MUC5B: variants seen among roughly 807,000 people sequenced by gnomAD.
MUC5B encodes mucin-5B.
MUC5B carries 116 observed loss-of-function variants against 376.9 expected under a neutral mutation model. That is an observed-to-expected ratio of 0.31 (90% CI 0.26 to 0.36). MUC5B has a LOEUF of 0.36. MUC5B is among the 10% of genes least tolerant of loss of function. MUC5B has a pLI of 1.00. For missense variants in MUC5B, 7,165 were observed against 7,769.9 expected, an observed-to-expected ratio of 0.92 and a Z score of 2.93; for synonymous variants, 3,517 against 3,390.9, an observed-to-expected ratio of 1.04 and a Z score of -1.29.
At position 1,249,661 on chromosome 11, in the gene MUC5B, G is replaced by A; in HGVS notation, c.12781G>A (p.Ala4261Thr). Residue 4261 changes from alanine to threonine, a missense_variant, in exon 31 of 49, where the codon GCA becomes ACA. Ala to Thr is a moderately conservative substitution (Grantham distance 58). This residue lies in a region of MUC5B where 431 missense variants were observed against 390.4 expected (regional missense o/e 1.10). Transcript: ENST00000529681. ...TELTTTATTTASTGSTATPSS... is the reference protein window; with the variant it reads ...TELTTTATTTTSTGSTATPSS... ...GCTGACCACAACAGCCACTACGACT[G>A]CATCCACTGGATCCACGGCCACCCC... 1 of 1,610,424 alleles carries A rather than the reference G, an allele frequency of 6.2e-7. No individual in the cohort carries two copies.
intron 47 of MUC5B, 94 bp downstream of exon 47, chr11:1,260,487 G>A (rs2133856568): frequency 6.6e-7 from 1 of 1,511,980 alleles, no homozygotes. Context: ...GGCAGCAGTG[G>A]GATGCCCGCG....
At position 1,228,753 on chromosome 11, in the gene MUC5B, C is replaced by T. The variant is rs1861950556; in HGVS notation, c.964C>T (p.Pro322Ser). ...AGGQPRNWRC[P>S]ELCPRTCPLN... ...GGGCCAGCCGCGGAACTGGAGGTGC[C>T]CTGAGCTCTGCCGTGAGTGCTCCCA... Residue 322 changes from proline (P) to serine (S), a missense_variant, in exon 8 of 49, where the codon CCT becomes TCT. By Grantham distance (74) the Pro-to-Ser change is moderately conservative. Transcript: ENST00000529681. The T allele has an allele frequency of 5.3e-6, 8 of 1,512,972 alleles. No homozygotes were observed. The East Asian group carries it at 2.0e-4, about 37-fold the overall frequency. The allele number at this position is 1,512,972 out of a possible 1,614,324, so 93.7% of individuals were successfully genotyped here.
rs375892324 is a variant in MUC5B, at chr11:1,235,182, C to T, written c.2728C>T (p.Arg910Cys). The T allele has an allele frequency of 1.4e-5, 22 of 1,612,996 alleles. No individual in the cohort carries two copies. Among genetic ancestry groups the T allele is most frequent in the African/African-American group, 5.3e-5 (4 of 74,910 alleles). The change falls in exon 22 of 49, where the codon CGC becomes TGC. Residue 910 changes from arginine to cysteine, a missense_variant. Transcript: ENST00000529681. ...DGHFITFDGD[R>C]YSFEGSCEYI... ...CCACTTCATCACCTTTGATGGCGAT[C>T]GCTACAGCTTTGAAGGCAGCTGCGA...
In MUC5B at chr11:1,250,466, C is replaced by T. The variant is rs751386963; in HGVS notation, c.13586C>T (p.Ser4529Phe). Residue 4529 changes from serine to phenylalanine, a missense_variant, in exon 31 of 49, where the codon TCC becomes TTC. Transcript: ENST00000529681. ...AGCTTTACAGCCATCCCCTCCTCCT[C>T]CCTGGGCACCACCTGGACCCGCCTA... The part of the protein sequence containing the change: ...ATSFTAIPSS[S>F]LGTTWTRLSQ... The T allele has an allele frequency of 1.3e-6, 2 of 1,595,140 alleles. No homozygotes were observed. The highest frequency in any genetic ancestry group is 1.3e-5 in the African/African-American group (1 of 74,580).
Position 1,236,547 on chromosome 11 carries a change from G to T in MUC5B, c.3042G>T (p.Leu1014=). 6.2e-7 allele frequency: 1 copy of T among 1,612,770 alleles called. No individual in the cohort carries two copies. Among genetic ancestry groups the T allele is most frequent in the Non-Finnish European group, 8.5e-7 (1 of 1,179,772 alleles). The change falls in exon 24 of 49, where the codon CTG becomes CTT. Residue 1014 remains leucine (L), a synonymous_variant. Coordinates refer to ENST00000529681, the MANE Select transcript of MUC5B (RefSeq NM_002458.3). ...GGAAGACCAGCGTGTTCATCCGACTGCACCAGGACTACAAGGTGAGCTCGG... is the reference window on the plus strand; with the variant it reads ...GGAAGACCAGCGTGTTCATCCGACTTCACCAGGACTACAAGGTGAGCTCGG... The part of the protein sequence containing the change: ...WDRKTSVFIR[L]HQDYKGRVCG...
In MUC5B at chr11:1,241,327, C is replaced by A; in HGVS notation, c.4447C>A (p.Gln1483Lys). The A allele has an allele frequency of 1.2e-6, 2 of 1,609,702 alleles. No homozygotes were observed. Among genetic ancestry groups the A allele is most frequent in the Non-Finnish European group, 8.5e-7 (1 of 1,177,916 alleles). Residue 1483 changes from glutamine (Q) to lysine (K), a missense_variant, in exon 31 of 49, where the codon CAG becomes AAG. Gln to Lys is a moderately conservative substitution (Grantham distance 53). Coordinates refer to ENST00000529681, the MANE Select transcript of MUC5B (RefSeq NM_002458.3). ...CCGGTCGACGGCGGCCCTCACCTCG[C>A]AGACTGGGTCCAGCTCAGGCCCCGT... ...SIRSTAALTS[Q>K]TGSSSGPVTV...
rs758313646 is a variant in MUC5B, at chr11:1,246,277, T to C, written c.9397T>C (p.Trp3133Arg). 62 of 1,609,134 alleles carry C rather than the reference T, an allele frequency of 3.9e-5. 1 individual carries two copies. In the South Asian group the frequency reaches 6.4e-4, roughly 17 times the overall value. The change falls in exon 31 of 49, where the codon TGG (tryptophan) becomes CGG (arginine). Residue 3133 changes from tryptophan to arginine, a missense_variant. Coordinates refer to ENST00000529681, the MANE Select transcript of MUC5B (RefSeq NM_002458.3). ...STPSSTPGTT[W>R]ILTELTTAAT... ...CCCCTCCTCCACTCCGGGGACGACC[T>C]GGATCCTCACAGAGCTGACCACAGC...
rs533953632 is a variant in MUC5B at position 1,251,619 on chromosome 11, G to A, written c.14739G>A (p.Leu4913=). 6 of 1,612,980 alleles carry A rather than the reference G, an allele frequency of 3.7e-6. No individual in the cohort carries two copies. Among genetic ancestry groups the A allele is most frequent in the South Asian group, 1.1e-5 (1 of 91,070 alleles). The change falls in exon 31 of 49, where the codon CTG becomes CTA. Residue 4913 remains leucine, a synonymous_variant. Transcript: ENST00000529681. ...CCCCTGCAGTGCTCCCCAGCAGCCT[G>A]CCAACCTTCAGCGTGTCCACTGTGT... ...TRTPAVLPSS[L]PTFSVSTVSS...
chr11:1,239,739 C>T (rs767859799), intron 27 of MUC5B, 60 bp from the exon 28 acceptor site: 2 of 1,544,062 alleles, frequency 1.3e-6, no homozygotes, highest in Non-Finnish European at 1.7e-6. Flanking sequence ...CAGCATGGAG[C>T]CCCTGGCTGG....
Position 1,246,903 on chromosome 11 carries a change from A to C in MUC5B, c.10023A>C (p.Thr3341=), listed in dbSNP as rs201028355. 17 of 1,499,122 alleles carry C rather than the reference A, an allele frequency of 1.1e-5. No individual in the cohort carries two copies. In the East Asian group the frequency reaches 4.2e-4, roughly 37 times the overall value. The allele number at this position is 1,499,122 out of a possible 1,614,324, so 92.9% of individuals were successfully genotyped here. Reference sequence around the variant, plus strand: ...GGATCAGCACAACCACCACACCCACAACCAGAGGCTCCACGGTGACCCCCT... The same window carrying C: ...GGATCAGCACAACCACCACACCCACCACCAGAGGCTCCACGGTGACCCCCT... ...PVWISTTTTP[T]TRGSTVTPSS... Residue 3341 remains threonine, a synonymous_variant, in exon 31 of 49, where the codon ACA becomes ACC. Transcript: ENST00000529681.
Position 1,254,301 on chromosome 11 carries a change from A to T in MUC5B, c.15427A>T (p.Met5143Leu). The T allele has an allele frequency of 6.2e-7, 1 of 1,609,292 alleles. No homozygotes were observed. The highest frequency in any genetic ancestry group is 2.2e-5 in the East Asian group (1 of 44,880). Residue 5143 changes from methionine (M) to leucine (L), a missense_variant, in exon 34 of 49, where the codon ATG becomes TTG. Met to Leu is a conservative substitution (Grantham distance 15). Transcript: ENST00000529681. ...PRALSIHYKSMDIVLTVTMVH... is the reference protein window; with the variant it reads ...PRALSIHYKSLDIVLTVTMVH... ...CGCCCTCAGCATCCACTACAAGTCC[A>T]TGGATATCGTCCTCACTGTCACCAT...
chr11:1,229,773 C>T lies in MUC5B; in HGVS notation c.1186C>T (p.Pro396Ser). 6.2e-7 allele frequency: 1 copy of T among 1,601,708 alleles called. No homozygotes were observed. The highest frequency in any genetic ancestry group is 8.5e-7 in the Non-Finnish European group (1 of 1,175,570). ...CACCCACGGCGGCCGCACCTACAGCCCGGGCACCTCCTTCAACACCACCTG... is the reference window on the plus strand; with the variant it reads ...CACCCACGGCGGCCGCACCTACAGCTCGGGCACCTCCTTCAACACCACCTG... ...PCTHGGRTYSPGTSFNTTCSS... is the reference protein window; with the variant it reads ...PCTHGGRTYSSGTSFNTTCSS... Residue 396 changes from proline to serine, a missense_variant, in exon 10 of 49, where the codon CCG (proline) becomes TCG (serine). By Grantham distance (74) the Pro-to-Ser change is moderately conservative (BLOSUM62 -1). Around this residue, in one of 31 missense-constraint regions of MUC5B, gnomAD observed 640 missense variants for 733.0 expected, o/e 0.87. Transcript: ENST00000529681.
Position 1,247,056 on chromosome 11 carries a change from C to A in MUC5B, c.10176C>A (p.Thr3392=). The change falls in exon 31 of 49, where the codon ACC becomes ACA. Residue 3392 remains threonine, a synonymous_variant. Coordinates refer to ENST00000529681, the MANE Select transcript of MUC5B (RefSeq NM_002458.3). ...QTSGTPPSLT[T]TATTITATGS... ...GTGGTACTCCCCCATCACTGACCAC[C>A]ACGGCCACTACGATCACAGCCACCG... 6.4e-7 allele frequency: 1 copy of A among 1,557,402 alleles called. No individual in the cohort carries two copies. The highest frequency in any genetic ancestry group is 8.7e-7 in the Non-Finnish European group (1 of 1,150,502).
chr11:1,237,283 C>T (rs1057017318), intron 25 of MUC5B, 119 bp downstream of exon 25: 54 of 1,209,538 alleles, frequency 4.5e-5, no homozygotes, highest in Admixed American at 8.3e-5. Flanking sequence ...CCATGTCCCA[C>T]GGCACACAGT....
chr11:1,251,379 A>C lies in MUC5B; in HGVS notation c.14499A>C (p.Gly4833=), dbSNP rs757692134. ...CAGCCACTACAACTGCAGCCACTGG[A>C]TCCACGGCCACCCTGTCCTCCACCC... ...TTTATTTAAT[G]STATLSSTPG... The change falls in exon 31 of 49, where the codon GGA becomes GGC. Residue 4833 remains glycine (G), a synonymous_variant. Coordinates refer to ENST00000529681, the MANE Select transcript of MUC5B (RefSeq NM_002458.3). 5.0e-6 allele frequency: 8 copies of C among 1,597,240 alleles called. No individual in the cohort carries two copies. Among genetic ancestry groups the C allele is most frequent in the Admixed American group, 1.7e-5 (1 of 59,554 alleles).
rs373233577 is a variant in MUC5B, at chr11:1,236,936, C to T, written c.3069C>T (p.Cys1023=). The T allele has an allele frequency of 2.6e-5, 39 of 1,475,172 alleles. No homozygotes were observed. Among genetic ancestry groups the T allele is most frequent in the African/African-American group, 7.0e-5 (5 of 70,996 alleles). The allele number at this position is 1,475,172 out of a possible 1,614,324, so 91.4% of individuals were successfully genotyped here. A position where few individuals can be genotyped will look rare whatever the true frequency, so the allele number is the denominator to read the frequency against. ...RLHQDYKGRV[C]GLCGNFDDNA... The stretch of plus-strand genomic sequence containing the variant: ...CGCTGCCTCTGCAGGGCAGGGTCTG[C>T]GGCCTGTGCGGGAACTTCGACGACA... Residue 1023 remains cysteine (C), a synonymous_variant, in exon 25 of 49, where the codon TGC becomes TGT. Coordinates refer to ENST00000529681, the MANE Select transcript of MUC5B (RefSeq NM_002458.3).
rs761503315 is a variant in MUC5B at position 1,241,869 on chromosome 11, A to C, written c.4989A>C (p.Thr1663=). ...AAGGACTGACATCCCCCAGATACAC[A>C]AGCACCCTTGGTACAGCCACCACGG... ...LSEGLTSPRY[T]STLGTATTGG... is the part of the protein sequence containing the mutation. The change falls in exon 31 of 49, where the codon ACA becomes ACC. Residue 1663 remains threonine (T), a synonymous_variant. Transcript: ENST00000529681. 3.7e-6 allele frequency: 6 copies of C among 1,612,980 alleles called. No individual in the cohort carries two copies. The highest frequency in any genetic ancestry group is 5.1e-6 in the Non-Finnish European group (6 of 1,179,592).
Position 1,252,527 on chromosome 11 carries a change from G to A in MUC5B, c.15045+3G>A. 1 of 1,538,614 alleles carries A rather than the reference G, an allele frequency of 6.5e-7. No homozygotes were observed. Among genetic ancestry groups the A allele is most frequent in the South Asian group, 1.3e-5 (1 of 79,786 alleles). On this transcript the variant is annotated splice_donor_region_variant and intron_variant, in intron 32 of 48. Transcript: ENST00000529681. ...ACAATGCCATCCCTCTCCGGCAGGT[G>A]GGCCCCGCCTGCCCTCCACCTCCCG... is the stretch of plus-strand genomic sequence containing the variant.
Position 1,261,599 on chromosome 11 carries a change from T to C in MUC5B, c.17280T>C (p.Thr5760=), listed in dbSNP as rs1186134753. Residue 5760 remains threonine, a synonymous_variant, in exon 49 of 49, where the codon ACT becomes ACC. Transcript: ENST00000529681. ...HTRGFPAQEA[T]AV ...GTGGCTTCCCGGCCCAGGAGGCCAC[T>C]GCTGTCTGAGAACGTTCTGCCTCCA... is the stretch of plus-strand genomic sequence containing the variant. The C allele has an allele frequency of 7.5e-6, 12 of 1,604,570 alleles. No individual in the cohort carries two copies. The highest frequency in any genetic ancestry group is 2.2e-5 in the East Asian group (1 of 44,526).
Sources: allele counts gnomAD v4.1 joint callset, GRCh38; gene constraint gnomAD v4.1.1; regional missense constraint gnomAD v4.1.1; transcripts MANE v1.5; gene names NCBI Gene and HGNC (gene_info 2026-07-23, HGNC 2026-07-21).